Variants in SGSM2 observed in about 807,000 individuals in gnomAD.
The protein encoded by SGSM2 is RUN and TBC1 domain containing 1.
In SGSM2, 89 loss-of-function variants were observed where a neutral mutation model predicts 126.6. The ratio of observed to expected loss-of-function variants is 0.70; its 90% CI spans 0.59 to 0.84. SGSM2 has a LOEUF of 0.84. Ranked by LOEUF, SGSM2 falls within the 40% of genes least tolerant of loss-of-function variation. The pLI is 0.00. For missense variants in SGSM2, 1,404 were observed against 1,416.6 expected (o/e 0.99, Z 0.14); for synonymous variants, 614 against 574.3 (o/e 1.07, Z -0.99).
At chr17:2,369,046 C>T (rs2065733036) in intron 12 of SGSM2, among the ~76,000 whole-genome samples, 1 of 152,196 alleles carries the variant, frequency 6.6e-6, no homozygotes, top group East Asian at 1.9e-4. Context: ...TCTCAAGGAA[C>T]TCAGGGGCTA....
rs1254476029 is a variant in SGSM2, at chr17:2,339,506, C to T, written c.57+1761C>T. On this transcript the variant is annotated intron_variant, in intron 1 of 23. Transcript: ENST00000268989. ...TTGGGAGGCTGGGACGGGCGGATCACGAGGTCAGGAGATCGAGACCATCCT... is the reference window on the plus strand; with the variant it reads ...TTGGGAGGCTGGGACGGGCGGATCATGAGGTCAGGAGATCGAGACCATCCT... 4.0e-5 allele frequency among the ~76,000 whole-genome samples: 6 copies of T among 151,826 alleles called. No homozygotes were observed. In the East Asian group the frequency reaches 9.7e-4, roughly 24 times the overall value.
rs528606054 is a variant in SGSM2, at chr17:2,373,549, G to A, written c.2100+36G>A. 748 of 1,562,960 alleles carry A rather than the reference G, an allele frequency of 4.8e-4. 7 individuals carry two copies. In the South Asian group the frequency reaches 7.2e-3, roughly 15 times the overall value. ...CGGGACCTGGAGGGTTGGGGGTCTC[G>A]GGGGCCACCCGCGTTTTATGCACAG... is the stretch of plus-strand genomic sequence containing the variant. On this transcript the variant is annotated intron_variant, in intron 17 of 23. Coordinates refer to ENST00000268989, the MANE Select transcript of SGSM2 (RefSeq NM_014853.3).
intron 2 of SGSM2, among the ~76,000 whole-genome samples, chr17:2,351,429 CT>C (rs967563115): frequency 2.6e-5 from 4 of 152,132 alleles, no homozygotes; most frequent in South Asian, 2.1e-4. Flanking sequence ...GAACTGTGGG[CT>C]TATGGTGTCC....
intron 17 of SGSM2, 187 bp downstream of exon 17, chr17:2,373,700 G>C (rs1480245540): frequency 1.7e-6 from 1 of 597,040 alleles, no homozygotes; most frequent in Non-Finnish European, 3.0e-6. Context: ...ACTTCTCTGG[G>C]TATTGTAGGA....
intron 2 of SGSM2, among the ~76,000 whole-genome samples, chr17:2,350,030 G>A (rs563699627): frequency 1.3e-4 from 20 of 151,656 alleles, no homozygotes; most frequent in African/African-American, 9.7e-5. Context: ...CTCGTGATCC[G>A]CCCACCTCGG....
At chr17:2,341,117 T>G (rs2064350243) in intron 1 of SGSM2, among the ~76,000 whole-genome samples, 1 of 151,876 alleles carries the variant, frequency 6.6e-6, no homozygotes, top group African/African-American at 2.4e-5. Flanking sequence ...TCTAGGAAGT[T>G]TTTTTTGTTT....
Position 2,362,844 on chromosome 17 carries a change from C to G in SGSM2, c.465C>G (p.Tyr155Ter). ...VQYLAENCSK[Y>*]YEKEALLADP... ...ACTGTCTGTCTCCTGGCAGCAAGTA[C>G]TACGAGAAGGAGGCACTGCTGGCAG... Residue 155 changes from tyrosine to a stop codon, truncating the protein, a stop_gained, in exon 5 of 24, where the codon TAC becomes TAG. Transcript: ENST00000268989. LOFTEE classifies it high-confidence loss of function. The surrounding 1 kb of genome is among the most constrained non-coding windows in gnomAD (Gnocchi z 4.9). 6.2e-7 allele frequency: 1 copy of G among 1,614,080 alleles called. No homozygotes were observed. The highest frequency in any genetic ancestry group is 8.5e-7 in the Non-Finnish European group (1 of 1,180,036).
intron 2 of SGSM2, among the ~76,000 whole-genome samples, chr17:2,358,875 T>TGG: frequency 1.0e-5 from 1 of 95,700 alleles, no homozygotes; most frequent in African/African-American, 4.1e-5. Flanking sequence ...TTGTTGTTGT[T>TGG]TTTTTTTTTT....
rs982104991 is a variant in SGSM2, at chr17:2,363,995, C to A, written c.808-64C>A. 15 of 1,608,374 alleles carry A rather than the reference C, an allele frequency of 9.3e-6. No homozygotes were observed. The African/African-American group carries it at 2.0e-4, about 21-fold the overall frequency. On this transcript the variant is annotated intron_variant, in intron 7 of 23. Transcript: ENST00000268989. The surrounding 1 kb of genome is among the most constrained non-coding windows in gnomAD (Gnocchi z 4.2). ...CTCCTCCCAGCGGGAGCTCATTTCT[C>A]ATAGGCCATCCCTGAGAGCCTCTCA...
At chr17:2,376,406 C>T (rs916667085) in intron 19 of SGSM2, 145 bp downstream of exon 19, 22 of 955,472 alleles carry the variant, frequency 2.3e-5, no homozygotes, top group African/African-American at 1.5e-4. Context: ...TTTTTTCCTG[C>T]ACACCCCTCC....
At position 2,379,589 on chromosome 17, in the gene SGSM2, G is replaced by A. The variant is rs756306966; in HGVS notation, c.*69G>A. ...CAGGGAGAGGTGCAGGGGAGTCACC[G>A]CCCAGACCTCCCCAGCCACCAACCG... On this transcript the variant is annotated 3_prime_UTR_variant, in exon 24 of 24. Transcript: ENST00000268989. 50 of 1,560,476 alleles carry A rather than the reference G, an allele frequency of 3.2e-5. No individual in the cohort carries two copies. The highest frequency in any genetic ancestry group is 6.9e-5 in the East Asian group (3 of 43,386).
intron 2 of SGSM2, among the ~76,000 whole-genome samples, chr17:2,349,938 C>T (rs2151503307): frequency 6.6e-6 from 1 of 152,192 alleles, no homozygotes; most frequent in Non-Finnish European, 1.5e-5. Flanking sequence ...CAGGCGCCCA[C>T]CACCACGCTC....
intron 12 of SGSM2, among the ~76,000 whole-genome samples, chr17:2,369,026 C>A (rs905869879): frequency 1.3e-5 from 2 of 152,224 alleles, no homozygotes; most frequent in African/African-American, 4.8e-5. Flanking sequence ...CAGGGCTCAT[C>A]TGTGCATCCT....
At position 2,372,471 on chromosome 17, in the gene SGSM2, T is replaced by A; in HGVS notation, c.1771T>A (p.Tyr591Asn). ...AGLTKDVWSKYQKDKKNYKEL... is the reference protein window; with the variant it reads ...AGLTKDVWSKNQKDKKNYKEL... ...CCTCACCAAGGACGTGTGGAGCAAG[T>A]ATCAGAAGGACAAAAAGGTGCCAAC... Residue 591 changes from tyrosine (Y) to asparagine (N), a missense_variant, in exon 15 of 24, where the codon TAT becomes AAT. Coordinates refer to ENST00000268989, the MANE Select transcript of SGSM2 (RefSeq NM_014853.3). The surrounding 1 kb of genome is among the most constrained non-coding windows in gnomAD (Gnocchi z 6.0). 6.2e-7 allele frequency: 1 copy of A among 1,600,730 alleles called. No individual in the cohort carries two copies.
chr17:2,337,554 G>T lies in SGSM2; in HGVS notation c.-135G>T. ...CCGAGCACCGGGCAGTGGCTGCGGC[G>T]GCGGCGGCGGCGGCGGGCCGGGAGC... On this transcript the variant is annotated 5_prime_UTR_variant, in exon 1 of 24. Transcript: ENST00000268989. The surrounding 1 kb of genome is among the most constrained non-coding windows in gnomAD (Gnocchi z 5.1). 3.1e-6 allele frequency: 1 copy of T among 325,070 alleles called. No homozygotes were observed. Among genetic ancestry groups the T allele is most frequent in the Non-Finnish European group, 4.6e-6 (1 of 217,360 alleles). The allele number at this position is 325,070 out of a possible 1,614,324, so 20.1% of individuals were successfully genotyped here. A position where few individuals can be genotyped will look rare whatever the true frequency, so the allele number is the denominator to read the frequency against.
In SGSM2 at chr17:2,376,251, G is replaced by C; in HGVS notation, c.2599G>C (p.Val867Leu). The change falls in exon 19 of 24, where the codon GTC becomes CTC. Residue 867 changes from valine (V) to leucine (L), a missense_variant. By Grantham distance (32) the Val-to-Leu change is conservative (BLOSUM62 1). Transcript: ENST00000268989. ...TPPNLERLRD[V>L]MCSYVWEHLD... Reference sequence around the variant, plus strand: ...CCCCAACCTCGAGAGGCTCAGAGACGTCATGTGCAGGTGCCTTGTGGGGCG... The same window carrying C: ...CCCCAACCTCGAGAGGCTCAGAGACCTCATGTGCAGGTGCCTTGTGGGGCG... 1 of 1,613,714 alleles carries C rather than the reference G, an allele frequency of 6.2e-7. No individual in the cohort carries two copies. The highest frequency in any genetic ancestry group is 1.3e-5 in the African/African-American group (1 of 75,038).
In SGSM2 at chr17:2,363,374, G is replaced by GC; in HGVS notation, c.673-90dup. The GC allele has an allele frequency of 6.3e-7, 1 of 1,577,746 alleles. No individual in the cohort carries two copies. The highest frequency in any genetic ancestry group is 8.6e-7 in the Non-Finnish European group (1 of 1,164,778). On this transcript the variant is annotated intron_variant, in intron 6 of 23. Transcript: ENST00000268989. This position sits in a 1 kb window ranked among gnomAD's most constrained non-coding sequence, Gnocchi z 4.2. ...GGGGCAGGAAGGACCCCTGGGGTCA[G>GC]CTGGAGAGGGTCAGCATGGAAGCGT...
intron 12 of SGSM2, among the ~76,000 whole-genome samples, chr17:2,369,553 C>T (rs756852899): frequency 8.5e-5 from 13 of 152,208 alleles, no homozygotes; most frequent in Non-Finnish European, 1.9e-4. Context: ...GCACTGGGCT[C>T]GCTCAGAGAC....
intron 2 of SGSM2, among the ~76,000 whole-genome samples, chr17:2,344,665 A>G (rs1438500132): frequency 6.6e-6 from 1 of 152,130 alleles, no homozygotes; most frequent in Non-Finnish European, 1.5e-5. Context: ...GCGCAAGTAA[A>G]TATGTCATCC....
Sources: gnomAD v4.1 joint callset for allele counts (sites outside exome capture counted in the v4.1 genomes callset) on GRCh38, gnomAD v4.1.1 for gene constraint, Gnocchi (gnomAD v3.1) non-coding constraint, MANE v1.5 for transcripts, NCBI Gene and HGNC (gene_info 2026-07-23, HGNC 2026-07-21) for gene names.